The following EFHC2 variants were observed in gnomAD, a reference collection of about 807,000 sequenced individuals.
EFHC2 encodes EF-hand domain-containing family member C2.
EFHC2 carries 18 observed loss-of-function variants against 52.7 expected under a neutral mutation model. That is an observed-to-expected ratio of 0.34 (90% confidence interval 0.24 to 0.51). The LOEUF is 0.51. Ranked by LOEUF, EFHC2 falls within the 20% of genes least tolerant of loss-of-function variation. The pLI is 0.97. For synonymous variants in EFHC2, 203 were observed against 204.1 expected (o/e 0.99, Z 0.04); for missense variants, 513 against 562.5 (o/e 0.91, Z 0.89).
chrX:44,163,906 T>C lies in EFHC2; in HGVS notation c.2148+16A>G. ...AAGTAACCATAGATGGTTTTTAAAA[T>C]AGGTATTCATTTTACCTCTTTAAGG... On this transcript the variant is annotated intron_variant, in intron 14 of 14. Transcript: ENST00000420999. 1 of 1,071,261 alleles carries C rather than the reference T, an allele frequency of 9.3e-7. No homozygotes were observed. The highest frequency in any genetic ancestry group is 1.3e-6 in the Non-Finnish European group (1 of 786,137). 88.3% of individuals were successfully genotyped at this position (1,071,261 alleles called of 1,213,427 possible). A position where few individuals can be genotyped will look rare whatever the true frequency, so the allele number is the denominator to read the frequency against.
Position 44,232,494 on chromosome X carries a change from T to C in EFHC2, c.1607A>G (p.Gln536Arg). The change falls in exon 10 of 15, where the codon CAG (glutamine) becomes CGG (arginine). Residue 536 changes from glutamine (Q) to arginine (R), a missense_variant. Transcript: ENST00000420999. Reference sequence around the variant, plus strand: ...AAGTAAATTCACCTTATCTGTATTCTGCTCCATGTAGTTTAAGGTATACTC... The same window carrying C: ...AAGTAAATTCACCTTATCTGTATTCCGCTCCATGTAGTTTAAGGTATACTC... ...ADEYTLNYME[Q>R]NTDKYPFSNL... The C allele has an allele frequency of 2.7e-6, 3 of 1,122,282 alleles. No individual in the cohort carries two copies. The highest frequency in any genetic ancestry group is 3.2e-5 in the East Asian group (1 of 31,700). The allele number at this position is 1,122,282 out of a possible 1,213,427, so 92.5% of individuals were successfully genotyped here.
chrX:44,222,958 G>A (rs776283049), intron 11 of EFHC2, among the ~76,000 whole-genome samples: 3 of 111,420 alleles, frequency 2.7e-5, no homozygotes, highest in Non-Finnish European at 5.6e-5. Flanking sequence ...ATTCACTATA[G>A]TCACCATGAT....
chrX:44,283,968 C>T (rs761258108), intron 2 of EFHC2: 1 of 110,571 alleles, frequency 9.0e-6, no homozygotes, highest in Non-Finnish European at 1.9e-5. Flanking sequence ...GTAGGATCCC[C>T]CAGCAAACAC....
At chrX:44,336,224 C>G (rs781278179) in intron 1 of EFHC2, among the ~76,000 whole-genome samples, 4 of 109,163 alleles carry the variant, frequency 3.7e-5, no homozygotes, top group Non-Finnish European at 7.6e-5. Context: ...CCGTCTCTAC[C>G]CAAAATACAA....
chrX:44,231,528 C>A (rs1463913116), intron 10 of EFHC2, among the ~76,000 whole-genome samples: 1 of 108,799 alleles, frequency 9.2e-6, no homozygotes, highest in African/African-American at 3.4e-5. Context: ...CCCCTGCCCA[C>A]TCCTGCCCCC....
intron 3 of EFHC2, among the ~76,000 whole-genome samples, chrX:44,263,491 G>C (rs921180249): frequency 9.9e-5 from 11 of 111,554 alleles, no homozygotes; most frequent in Non-Finnish European, 2.1e-4. Context: ...TAATTACTTG[G>C]TGCATTAAAT....
At chrX:44,318,927 G>A (rs185390876) in intron 1 of EFHC2, among the ~76,000 whole-genome samples, 118 of 110,808 alleles carry the variant, frequency 1.1e-3, no homozygotes, top group African/African-American at 3.6e-3. Context: ...GACAATATGA[G>A]GCAGCACGTC....
chrX:44,262,105 A>G (rs2037543733), intron 3 of EFHC2, among the ~76,000 whole-genome samples: 1 of 111,162 alleles, frequency 9.0e-6, no homozygotes, highest in Non-Finnish European at 1.9e-5. Flanking sequence ...GTGGTCAGCC[A>G]CTGGAGGTAA....
intron 4 of EFHC2, among the ~76,000 whole-genome samples, chrX:44,255,759 C>T (rs1264126922): frequency 8.9e-6 from 1 of 111,754 alleles, no homozygotes; most frequent in African/African-American, 3.3e-5. Flanking sequence ...GAACTCAGCT[C>T]TGGACCAAGT....
chrX:44,209,019 CTGTG>C (rs753101565), intron 11 of EFHC2, among the ~76,000 whole-genome samples: 2,707 of 69,634 alleles, frequency 0.039, 80 homozygotes, highest in Non-Finnish European at 0.05. Flanking sequence ...GATTGGCAAT[CTGTG>C]TGTGTGTGTG....
chrX:44,207,467 T>C (rs1269917282), intron 11 of EFHC2, among the ~76,000 whole-genome samples: 2 of 109,530 alleles, frequency 1.8e-5, no homozygotes, highest in African/African-American at 3.3e-5. Flanking sequence ...GCTGAGATCA[T>C]GCCACTGTAC....
intron 14 of EFHC2, among the ~76,000 whole-genome samples, chrX:44,150,958 C>A (rs2036565661): frequency 9.0e-6 from 1 of 110,595 alleles, no homozygotes; most frequent in Non-Finnish European, 1.9e-5. Flanking sequence ...TATGACTGGC[C>A]TCCCTATAAA....
chrX:44,154,058 G>A (rs966828802), intron 14 of EFHC2, among the ~76,000 whole-genome samples: 2 of 112,712 alleles, frequency 1.8e-5, no homozygotes, highest in African/African-American at 3.2e-5. Flanking sequence ...CTGTAAAACA[G>A]ATTCTCCTGG....
At position 44,162,909 on chromosome X, in the gene EFHC2, C is replaced by T. The variant is rs191942150; in HGVS notation, c.2148+1013G>A. Among the ~76,000 whole-genome samples, 5 of 111,833 alleles carry T rather than the reference C, an allele frequency of 4.5e-5. 1 individual carries two copies. The Admixed American group carries it at 4.8e-4, about 11-fold the overall frequency. ...CAAAGGTAGCAGTGACAATGTTTGT[C>T]TCTGGACCCCAGCCTACAGCAGAGA... On this transcript the variant is annotated intron_variant, in intron 14 of 14. Coordinates refer to ENST00000420999, the MANE Select transcript of EFHC2 (RefSeq NM_025184.4).
intron 2 of EFHC2, 51 bp from the exon 3 acceptor site, chrX:44,272,887 C>G: frequency 9.6e-7 from 1 of 1,040,682 alleles, no homozygotes; most frequent in Non-Finnish European, 1.3e-6. Context: ...ATTCAGCAAA[C>G]TTAAAATTAA....
At chrX:44,228,117 T>C (rs1431665125) in intron 11 of EFHC2, among the ~76,000 whole-genome samples, 1 of 112,178 alleles carries the variant, frequency 8.9e-6, no homozygotes, top group East Asian at 2.8e-4. Flanking sequence ...AGGCGAAACC[T>C]GATCTGAGTT....
chrX:44,287,270 C>CA (rs748898026), intron 2 of EFHC2, among the ~76,000 whole-genome samples: 3 of 110,369 alleles, frequency 2.7e-5, no homozygotes, highest in African/African-American at 6.6e-5. Context: ...GTTTTCCTTT[C>CA]AAAAAAAATT....
intron 2 of EFHC2, among the ~76,000 whole-genome samples, chrX:44,303,000 G>A (rs369400478): frequency 4.5e-5 from 5 of 111,727 alleles, no homozygotes; most frequent in African/African-American, 1.6e-4. Flanking sequence ...TGTTAAGCAA[G>A]TGAAATTATA....
chrX:44,226,566 G>C (rs1019554431), intron 11 of EFHC2, among the ~76,000 whole-genome samples: 7 of 111,224 alleles, frequency 6.3e-5, no homozygotes, highest in Non-Finnish European at 1.1e-4. Context: ...AGGGGGAAAC[G>C]TCCCAGAGGT....
Sources: gnomAD v4.1 joint callset for allele counts (sites outside exome capture counted in the v4.1 genomes callset) on GRCh38, gnomAD v4.1.1 for gene constraint, MANE v1.5 for transcripts, NCBI Gene and HGNC (gene_info 2026-07-23, HGNC 2026-07-21) for gene names.